Variants in UGGT1 observed in about 807,000 individuals in gnomAD.
UGGT1 encodes UDP-glucose glycoprotein glucosyltransferase 1, also known as UDP-glucose:glycoprotein glucosyltransferase 1.
A neutral mutation model predicts 203.9 loss-of-function variants in UGGT1; 107 were observed. The observed-to-expected ratio is 0.52, with a 90% CI of 0.45 to 0.62. UGGT1 has a LOEUF of 0.62. UGGT1 is among the 20% of genes least tolerant of loss of function. The pLI, the probability that UGGT1 is intolerant of heterozygous loss-of-function variation, is 0.00. For synonymous variants in UGGT1, 628 were observed against 653.5 expected, an observed-to-expected ratio of 0.96 and a Z score of 0.59; for missense variants, 1,673 against 1,867.2, an observed-to-expected ratio of 0.90 and a Z score of 1.92.
chr2:128,187,645 A>T, intron 40 of UGGT1, 31 bp downstream of exon 40: 1 of 1,561,810 alleles, frequency 6.4e-7, no homozygotes. Context: ...TTAGGACAGT[A>T]CTTCTTTCCA....
intron 18 of UGGT1, among the ~76,000 whole-genome samples, chr2:128,149,867 CA>C (rs2105477395): frequency 6.6e-6 from 1 of 152,136 alleles, no homozygotes; most frequent in African/African-American, 2.4e-5. Context: ...GAGGCTGAGG[CA>C]GGAGAATCGC....
At position 128,097,492 on chromosome 2, in the gene UGGT1, A is replaced by G; in HGVS notation, c.122A>G (p.Lys41Arg). ...GTTCTGTGGCTGTTCTCCTCAGTAA[A>G]GGCCGACTCAAAAGCCATTACAACC... The part of the protein sequence containing the change: ...LTVLWLFSSV[K>R]ADSKAITTSL... The change falls in exon 2 of 41, where the codon AAG (lysine) becomes AGG (arginine). Residue 41 changes from lysine (K) to arginine (R), a missense_variant. By Grantham distance (26) the Lys-to-Arg change is conservative. Transcript: ENST00000259253. 1.2e-6 allele frequency: 2 copies of G among 1,614,164 alleles called. No individual in the cohort carries two copies. The highest frequency in any genetic ancestry group is 1.7e-6 in the Non-Finnish European group (2 of 1,180,026).
intron 13 of UGGT1, among the ~76,000 whole-genome samples, chr2:128,131,604 A>G (rs1330169122): frequency 1.3e-5 from 2 of 151,836 alleles, no homozygotes; most frequent in Non-Finnish European, 1.5e-5. Flanking sequence ...AGAGTATTGT[A>G]TTGTGTTGTG....
At chr2:128,116,066 A>G (rs984051543) in intron 7 of UGGT1, among the ~76,000 whole-genome samples, 199 bp from the exon 8 acceptor site, 1 of 152,218 alleles carries the variant, frequency 6.6e-6, no homozygotes, top group East Asian at 1.9e-4. Flanking sequence ...CACAGGAGAT[A>G]TTAAAATGCA....
chr2:128,098,208 T>C (rs1687201985), intron 2 of UGGT1, among the ~76,000 whole-genome samples: 1 of 151,874 alleles, frequency 6.6e-6, no homozygotes, highest in South Asian at 2.1e-4. Flanking sequence ...TTTTAAGAGG[T>C]GATTGATAAA....
chr2:128,099,303 C>T (rs1483604420), intron 2 of UGGT1, among the ~76,000 whole-genome samples: 1 of 152,086 alleles, frequency 6.6e-6, no homozygotes, highest in Non-Finnish European at 1.5e-5. Context: ...GCCACTACCC[C>T]TGGCTTATTT....
intron 15 of UGGT1, 143 bp downstream of exon 15, chr2:128,135,104 G>A: frequency 1.5e-6 from 1 of 674,346 alleles, no homozygotes; most frequent in South Asian, 1.9e-5. Flanking sequence ...TGGTCAGTAT[G>A]AAGCCAGTGT....
chr2:128,148,027 T>G (rs1689773428), intron 18 of UGGT1, among the ~76,000 whole-genome samples: 1 of 152,182 alleles, frequency 6.6e-6, no homozygotes, highest in South Asian at 2.1e-4. Flanking sequence ...AACTGTTATT[T>G]GTTTAGTGAC....
At position 128,172,673 on chromosome 2, in the gene UGGT1, C is replaced by T. The variant is rs1244810726; in HGVS notation, c.3205C>T (p.Leu1069=). 1 of 1,614,010 alleles carries T rather than the reference C, an allele frequency of 6.2e-7. No homozygotes were observed. Among genetic ancestry groups the T allele is most frequent in the African/African-American group, 1.3e-5 (1 of 74,924 alleles). ...AKFLDMPQSP[L]FTLNLNTPES... is the part of the protein sequence containing the mutation. Reference sequence around the variant, plus strand: ...ATTTTTGGATATGCCTCAGTCTCCACTGTTCACTCTGAATTTGAACACACC... The same window carrying T: ...ATTTTTGGATATGCCTCAGTCTCCATTGTTCACTCTGAATTTGAACACACC... Residue 1069 remains leucine (L), a synonymous_variant, in exon 29 of 41, where the codon CTG becomes TTG. Coordinates refer to ENST00000259253, the MANE Select transcript of UGGT1 (RefSeq NM_020120.4).
In UGGT1 at chr2:128,131,354, G is replaced by A. The variant is rs572524632; in HGVS notation, c.1378-1787G>A. ...GGATCACTTTAGCTCAGGAGTTGGA[G>A]ACCTGCCTGGCCAACATGGTGAAAC... On this transcript the variant is annotated intron_variant, in intron 13 of 40. Coordinates refer to ENST00000259253, the MANE Select transcript of UGGT1 (RefSeq NM_020120.4). Among the ~76,000 whole-genome samples the A allele has an allele frequency of 8.5e-5, 13 of 152,142 alleles. No homozygotes were observed. In the South Asian group the frequency reaches 2.7e-3, roughly 32 times the overall value.
At position 128,187,575 on chromosome 2, in the gene UGGT1, G is replaced by C; in HGVS notation, c.4603G>C (p.Ala1535Pro). The change falls in exon 40 of 41, where the codon GCA (alanine) becomes CCA (proline). Residue 1535 changes from alanine (A) to proline (P), a missense_variant. By Grantham distance (27) the Ala-to-Pro change is conservative. Coordinates refer to ENST00000259253, the MANE Select transcript of UGGT1 (RefSeq NM_020120.4). The stretch of plus-strand genomic sequence containing the variant: ...CTTTCAGAAGGAGAAAGAAACGGGA[G>C]CACTGTACAAAGAGAAGACAAAAGA... ...IRFQKEKETGALYKEKTKEPS... is the reference protein window; with the variant it reads ...IRFQKEKETGPLYKEKTKEPS... 1 of 1,613,968 alleles carries C rather than the reference G, an allele frequency of 6.2e-7. No homozygotes were observed. Among genetic ancestry groups the C allele is most frequent in the Non-Finnish European group, 8.5e-7 (1 of 1,179,948 alleles).
In UGGT1 at chr2:128,178,425, A is replaced by C. The variant is rs186650250; in HGVS notation, c.3714-43A>C. 9.3e-6 allele frequency: 14 copies of C among 1,506,362 alleles called. No homozygotes were observed. The Admixed American group carries it at 2.4e-4, about 26-fold the overall frequency. 93.3% of individuals were successfully genotyped at this position (1,506,362 alleles called of 1,614,324 possible). On this transcript the variant is annotated intron_variant, in intron 33 of 40. Coordinates refer to ENST00000259253, the MANE Select transcript of UGGT1 (RefSeq NM_020120.4). Reference sequence around the variant, plus strand: ...TTACTTTCAAAGGCCGTGTGTCTGTATGAGTGTTTCAAGTGGTCTTTTTTT... The same window carrying C: ...TTACTTTCAAAGGCCGTGTGTCTGTCTGAGTGTTTCAAGTGGTCTTTTTTT...
At chr2:128,095,634 G>T (rs943633023) in intron 1 of UGGT1, among the ~76,000 whole-genome samples, 5 of 152,140 alleles carry the variant, frequency 3.3e-5, no homozygotes, top group Non-Finnish European at 5.9e-5. Context: ...GACCATAGGT[G>T]CATGCCACCA....
At chr2:128,112,587 G>GT (rs58357771) in intron 5 of UGGT1, among the ~76,000 whole-genome samples, 26 of 123,322 alleles carry the variant, frequency 2.1e-4, no homozygotes, top group East Asian at 7.0e-4. Flanking sequence ...TATTTTATTC[G>GT]TTTTTTTTTT....
chr2:128,098,708 C>T (rs1687227579), intron 2 of UGGT1, among the ~76,000 whole-genome samples: 2 of 146,232 alleles, frequency 1.4e-5, no homozygotes, highest in African/African-American at 2.6e-5. Context: ...CAGATCACGC[C>T]ATTGCAGTCC....
At chr2:128,138,966 C>T (rs1244246886) in intron 16 of UGGT1, 114 bp downstream of exon 16, 1 of 1,371,192 alleles carries the variant, frequency 7.3e-7, no homozygotes, top group Non-Finnish European at 9.9e-7. Flanking sequence ...AGGGGTGGGT[C>T]CTGAATTTAA....
Position 128,107,998 on chromosome 2 carries a change from T to C in UGGT1, c.338T>C (p.Leu113Pro), listed in dbSNP as rs1189519368. The C allele has an allele frequency of 6.2e-7, 1 of 1,614,170 alleles. No homozygotes were observed. The highest frequency in any genetic ancestry group is 8.5e-7 in the Non-Finnish European group (1 of 1,180,016). The part of the protein sequence containing the change: ...LEAAFQFLSP[L>P]QQNLFKFCLS... ...GCTGCATTTCAGTTTCTGTCACCCCTCCAGCAGAATTTGTTTAAATTTTGT... is the reference window on the plus strand; with the variant it reads ...GCTGCATTTCAGTTTCTGTCACCCCCCCAGCAGAATTTGTTTAAATTTTGT... The change falls in exon 4 of 41, where the codon CTC becomes CCC. Residue 113 changes from leucine to proline, a missense_variant. Physicochemically the swap from Leu to Pro is moderately conservative, Grantham distance 98 (BLOSUM62 -3). Around this residue, in one of 4 missense-constraint regions of UGGT1, gnomAD observed 1,073 missense variants for 1,078.7 expected, o/e 0.99. Coordinates refer to ENST00000259253, the MANE Select transcript of UGGT1 (RefSeq NM_020120.4).
chr2:128,156,263 C>T lies in UGGT1; in HGVS notation c.2237-129C>T, dbSNP rs1048017865. 4.3e-5 allele frequency: 31 copies of T among 715,820 alleles called. No homozygotes were observed. The East Asian group carries it at 4.6e-4, about 11-fold the overall frequency. 44.3% of individuals were successfully genotyped at this position (715,820 alleles called of 1,614,324 possible). On this transcript the variant is annotated intron_variant, in intron 20 of 40. Transcript: ENST00000259253. Reference sequence around the variant, plus strand: ...GGGTACTGGGACAGCGCCATGACACCGACAGGACTAAGCAGCAGGAAGAAC... The same window carrying T: ...GGGTACTGGGACAGCGCCATGACACTGACAGGACTAAGCAGCAGGAAGAAC...
intron 38 of UGGT1, among the ~76,000 whole-genome samples, chr2:128,184,182 A>T (rs1250545290): frequency 6.6e-6 from 1 of 152,186 alleles, no homozygotes; most frequent in Non-Finnish European, 1.5e-5. Context: ...ATAGAATCAC[A>T]GTATAGTATC....
Sources: allele counts gnomAD v4.1 joint callset (sites outside exome capture counted in the v4.1 genomes callset), GRCh38; gene constraint gnomAD v4.1.1; regional missense constraint gnomAD v4.1.1; transcripts MANE v1.5; gene names NCBI Gene and HGNC (gene_info 2026-07-23, HGNC 2026-07-21).